DOCK4: variants seen among roughly 807,000 people sequenced by gnomAD.
DOCK4 encodes dedicator of cytokinesis protein 4.
In DOCK4, 97 loss-of-function variants were observed where a neutral mutation model predicts 268.1. The ratio of observed to expected loss-of-function variants is 0.36; its 90% confidence interval spans 0.31 to 0.43. The LOEUF (loss-of-function observed/expected upper bound fraction) is 0.43, where lower values mean the gene tolerates loss of function less well. Among genes scored for constraint, DOCK4 ranks in the 20% least tolerant of loss-of-function variants. The pLI is 1.00. For missense variants in DOCK4, 2,145 were observed against 2,455.7 expected (o/e 0.87, Z 2.67); for synonymous variants, 954 against 887.2 (o/e 1.08, Z -1.34).
intron 1 of DOCK4, among the ~76,000 whole-genome samples, chr7:112,094,651 T>C (rs1809942560): frequency 6.6e-6 from 1 of 152,058 alleles, no homozygotes; most frequent in South Asian, 2.1e-4. Flanking sequence ...AGCTTAACAG[T>C]ATATTGCAAT....
At chr7:111,768,557 A>T (rs555922500) in intron 37 of DOCK4, among the ~76,000 whole-genome samples, 8 of 152,262 alleles carry the variant, frequency 5.3e-5, no homozygotes, top group African/African-American at 1.7e-4. Flanking sequence ...CAAGTGTTCA[A>T]ATCCAATAAA....
intron 24 of DOCK4, 27 bp downstream of exon 24, chr7:111,846,972 T>TA (rs1243370679): frequency 6.2e-7 from 1 of 1,611,456 alleles, no homozygotes. Context: ...TGAAGGGAGC[T>TA]ATATACTATG....
chr7:112,042,315 C>T (rs1804452721), intron 1 of DOCK4, among the ~76,000 whole-genome samples: 1 of 152,158 alleles, frequency 6.6e-6, no homozygotes, highest in African/African-American at 2.4e-5. Context: ...GAGACGAAGA[C>T]ATTGTGCTCC....
At chr7:112,123,065 A>G (rs1812885395) in intron 1 of DOCK4, among the ~76,000 whole-genome samples, 1 of 152,244 alleles carries the variant, frequency 6.6e-6, no homozygotes, top group Non-Finnish European at 1.5e-5. Flanking sequence ...AGAAGCTTCT[A>G]TGCCTTCCTG....
At chr7:111,843,863 A>C (rs1481896296) in intron 25 of DOCK4, among the ~76,000 whole-genome samples, 1 of 152,220 alleles carries the variant, frequency 6.6e-6, no homozygotes, top group Non-Finnish European at 1.5e-5. Flanking sequence ...AGCATTTCAA[A>C]ATCATATGAG....
At chr7:111,839,798 T>C (rs1265741867) in intron 25 of DOCK4, among the ~76,000 whole-genome samples, 2 of 152,222 alleles carry the variant, frequency 1.3e-5, no homozygotes, top group Non-Finnish European at 2.9e-5. Flanking sequence ...TTTTGCTCTA[T>C]TTCTTAAACT....
intron 8 of DOCK4, among the ~76,000 whole-genome samples, chr7:111,949,341 C>G (rs1795873004): frequency 1.3e-5 from 2 of 152,182 alleles, no homozygotes; most frequent in African/African-American, 4.8e-5. Flanking sequence ...AATTCCATAT[C>G]TGTACATTTC....
chr7:111,757,310 G>GA (rs1162347552), intron 41 of DOCK4, among the ~76,000 whole-genome samples: 2 of 152,054 alleles, frequency 1.3e-5, no homozygotes, highest in Non-Finnish European at 2.9e-5. Context: ...TAGTACGGTG[G>GA]AAAAAACAAT....
At chr7:111,998,317 A>T (rs1800133881) in intron 4 of DOCK4, 131 bp downstream of exon 4, 9 of 717,232 alleles carry the variant, frequency 1.3e-5, no homozygotes, top group Non-Finnish European at 2.0e-5. Context: ...ATATATCTTT[A>T]ACAAAGAACA....
chr7:112,110,943 A>T (rs1479923103), intron 1 of DOCK4, among the ~76,000 whole-genome samples: 1 of 152,204 alleles, frequency 6.6e-6, no homozygotes, highest in East Asian at 1.9e-4. Context: ...CCTGTACCTC[A>T]GCAAAAAGAA....
intron 1 of DOCK4, among the ~76,000 whole-genome samples, chr7:112,175,864 T>C (rs1273082704): frequency 2.6e-5 from 4 of 152,218 alleles, no homozygotes; most frequent in African/African-American, 7.2e-5. Flanking sequence ...AATAACTACA[T>C]TGAAATTTAA....
intron 1 of DOCK4, among the ~76,000 whole-genome samples, chr7:112,106,960 A>G (rs1168034102): frequency 1.3e-5 from 2 of 152,248 alleles, no homozygotes; most frequent in African/African-American, 4.8e-5. Context: ...CCAAATTCAT[A>G]AAGTAATTTT....
intron 1 of DOCK4, among the ~76,000 whole-genome samples, chr7:112,080,887 T>C (rs10261464): frequency 0.36 from 54,942 of 152,104 alleles, 10,163 homozygotes; most frequent in East Asian, 0.4. Context: ...TTCAATAATA[T>C]TTACACTTAT....
chr7:112,037,350 C>T (rs760654168), intron 1 of DOCK4, among the ~76,000 whole-genome samples: 1 of 152,150 alleles, frequency 6.6e-6, no homozygotes, highest in Non-Finnish European at 1.5e-5. Context: ...CATTGTCAGT[C>T]GAGAAGCATC....
At position 112,185,188 on chromosome 7, in the gene DOCK4, T is replaced by C. The variant is rs947822034; in HGVS notation, c.37+20914A>G. ...CACAGCTGGTCTTGGGAGTGCAGCATTGAAGTGCAGGCTGCATGCTGCTGT... is the reference window on the plus strand; with the variant it reads ...CACAGCTGGTCTTGGGAGTGCAGCACTGAAGTGCAGGCTGCATGCTGCTGT... On this transcript the variant is annotated intron_variant, in intron 1 of 52. Transcript: ENST00000428084. Among the ~76,000 whole-genome samples, 22 of 152,308 alleles carry C rather than the reference T, an allele frequency of 1.4e-4. No individual in the cohort carries two copies. In the East Asian group the frequency reaches 3.3e-3, roughly 23 times the overall value.
chr7:112,087,103 C>A lies in DOCK4; in HGVS notation c.38-82972G>T, dbSNP rs117881025. On this transcript the variant is annotated intron_variant, in intron 1 of 52. Transcript: ENST00000428084. ...CTCACCAGGCTAGGGCTGTGGTGAG[C>A]TATTTCCTTTTTTAACATTCCAAGA... 3.2e-4 allele frequency among the ~76,000 whole-genome samples: 49 copies of A among 152,170 alleles called. No individual in the cohort carries two copies. The East Asian group carries it at 9.5e-3, about 29-fold the overall frequency.
At chr7:111,987,403 C>G (rs1242704478) in intron 6 of DOCK4, among the ~76,000 whole-genome samples, 2 of 152,178 alleles carry the variant, frequency 1.3e-5, no homozygotes, top group Admixed American at 6.5e-5. Context: ...AACTTTCTTC[C>G]TATTTACAAA....
chr7:111,874,843 G>A (rs986655192), intron 17 of DOCK4, among the ~76,000 whole-genome samples: 3 of 152,206 alleles, frequency 2.0e-5, no homozygotes, highest in Admixed American at 6.5e-5. Flanking sequence ...AACGCAAAGC[G>A]TGTGCAGACA....
At chr7:111,860,880 G>A (rs10230127) in intron 23 of DOCK4, among the ~76,000 whole-genome samples, 17,260 of 152,204 alleles carry the variant, frequency 0.11, 1,315 homozygotes, top group African/African-American at 0.21. Context: ...CTGGGCCCAA[G>A]GACAGATTAC....
Sources: allele counts gnomAD v4.1 joint callset (sites outside exome capture counted in the v4.1 genomes callset), GRCh38; gene constraint gnomAD v4.1.1; transcripts MANE v1.5; gene names NCBI Gene and HGNC (gene_info 2026-07-23, HGNC 2026-07-21).